The following GALNT17 variants were observed in gnomAD, a reference collection of about 807,000 sequenced individuals.
The protein encoded by GALNT17 is UDP-GalNAc:polypeptide N-acetylgalactosaminyltransferase-like 3.
GALNT17 carries 29 observed loss-of-function variants against 63.7 expected under a neutral mutation model. The ratio of observed to expected loss-of-function variants is 0.46; its 90% CI spans 0.34 to 0.62. GALNT17 has a LOEUF of 0.62. Ranked by LOEUF, GALNT17 falls within the 20% of genes least tolerant of loss-of-function variation. GALNT17 has a pLI of 0.01. For synonymous variants in GALNT17, 305 were observed against 318.3 expected (o/e 0.96, Z 0.45); for missense variants, 603 against 799.6 (o/e 0.75, Z 2.97).
At chr7:71,460,491 C>G (rs1787434621) in intron 5 of GALNT17, among the ~76,000 whole-genome samples, 1 of 152,142 alleles carries the variant, frequency 6.6e-6, no homozygotes, top group Admixed American at 6.5e-5. Context: ...AGATCTCACA[C>G]CATATAATGG....
intron 5 of GALNT17, among the ~76,000 whole-genome samples, chr7:71,506,853 G>T (rs1037653968): frequency 2.0e-5 from 3 of 152,168 alleles, no homozygotes; most frequent in Non-Finnish European, 4.4e-5. Flanking sequence ...TAGGTTGGTG[G>T]CAAAGTAATT....
chr7:71,284,715 T>G (rs1489520239), intron 1 of GALNT17: 1 of 152,164 alleles, frequency 6.6e-6, no homozygotes, highest in Non-Finnish European at 1.5e-5. Context: ...AACAGACCAA[T>G]ACACCAAAGT....
Position 71,539,707 on chromosome 7 carries a change from C to CTTTTTTT in GALNT17, c.963-31559_963-31553dup, listed in dbSNP as rs71089953. 1.1e-3 allele frequency among the ~76,000 whole-genome samples: 80 copies of CTTTTTTT among 71,438 alleles called. 2 individuals are homozygous for CTTTTTTT. Among genetic ancestry groups the CTTTTTTT allele is most frequent in the African/African-American group, 1.4e-3 (24 of 17,388 alleles). The allele number at this position is 71,438 out of a possible 152,430, so 46.9% of individuals were successfully genotyped here. A position where few individuals can be genotyped will look rare whatever the true frequency, so the allele number is the denominator to read the frequency against. On this transcript the variant is annotated intron_variant, in intron 5 of 10. Coordinates refer to ENST00000333538, the MANE Select transcript of GALNT17 (RefSeq NM_022479.3). Reference sequence around the variant, plus strand: ...ATCTATTTCAGGAGTTTAGTCCCACCTTTTTTTTTTTTTTTTTTTTTTTTT... The same window carrying CTTTTTTT: ...ATCTATTTCAGGAGTTTAGTCCCACCTTTTTTTTTTTTTTTTTTTTTTTTTTTTTTTT...
At chr7:71,291,008 G>A (rs1372632780) in intron 1 of GALNT17, among the ~76,000 whole-genome samples, 1 of 152,186 alleles carries the variant, frequency 6.6e-6, no homozygotes, top group East Asian at 1.9e-4. Context: ...CTTCTTCATA[G>A]GACTTATGTC....
At chr7:71,176,857 GC>G (rs1417015771) in intron 1 of GALNT17, among the ~76,000 whole-genome samples, 3 of 152,158 alleles carry the variant, frequency 2.0e-5, no homozygotes, top group African/African-American at 7.2e-5. Flanking sequence ...CATCTAGCAG[GC>G]ATTTATTTGA....
chr7:71,312,858 C>T (rs1008606565), intron 1 of GALNT17, among the ~76,000 whole-genome samples: 3 of 152,152 alleles, frequency 2.0e-5, no homozygotes, highest in Non-Finnish European at 4.4e-5. Flanking sequence ...AGACTCAGGG[C>T]TAGCATTTTG....
intron 5 of GALNT17, among the ~76,000 whole-genome samples, chr7:71,450,277 G>A (rs1161352932): frequency 3.3e-5 from 5 of 151,908 alleles, no homozygotes; most frequent in Admixed American, 3.3e-4. Context: ...TGGCATTACA[G>A]GCATGTGCCA....
chr7:71,541,198 C>G (rs1021628789), intron 5 of GALNT17, among the ~76,000 whole-genome samples: 7 of 150,842 alleles, frequency 4.6e-5, no homozygotes, highest in Non-Finnish European at 7.4e-5. Flanking sequence ...GAGCAGAGAT[C>G]GTGCCACTGC....
chr7:71,634,976 A>G (rs1790508438), intron 6 of GALNT17, among the ~76,000 whole-genome samples: 1 of 152,000 alleles, frequency 6.6e-6, no homozygotes, highest in Admixed American at 6.6e-5. Flanking sequence ...TGGGAGGCTG[A>G]GGCGGGTGGA....
intron 1 of GALNT17, among the ~76,000 whole-genome samples, chr7:71,258,229 A>T (rs1790322676): frequency 2.0e-5 from 3 of 152,198 alleles, no homozygotes; most frequent in Admixed American, 2.0e-4. Context: ...CTCCCATATT[A>T]TCTGTGTCAA....
Position 71,415,879 on chromosome 7 carries a change from TCA to T in GALNT17, c.590-9_590-8del, listed in dbSNP as rs1483556099. 6.4e-7 allele frequency: 1 copy of T among 1,569,648 alleles called. No individual in the cohort carries two copies. ...GTTTATAGACCTTCTTGCATTTTTGTCATTTGCAGAGGAGCTGAAGGTCCCCC... is the reference window on the plus strand; with the variant it reads ...GTTTATAGACCTTCTTGCATTTTTGTTTTGCAGAGGAGCTGAAGGTCCCCC... On this transcript the variant is annotated splice_polypyrimidine_tract_variant and splice_region_variant and intron_variant, in intron 3 of 10. Transcript: ENST00000333538.
chr7:71,156,586 C>CTTCA (rs1788239077), intron 1 of GALNT17, among the ~76,000 whole-genome samples: 1 of 140,112 alleles, frequency 7.1e-6, no homozygotes, highest in African/African-American at 2.7e-5. Flanking sequence ...GATGTCCTTC[C>CTTCA]TTCCTTCCTT....
rs75678752 is a variant in GALNT17 at position 71,462,836 on chromosome 7, G to A, written c.962+41731G>A. Among the ~76,000 whole-genome samples the A allele has an allele frequency of 3.9e-5, 6 of 152,326 alleles. No individual in the cohort carries two copies. The East Asian group carries it at 9.7e-4, about 25-fold the overall frequency. On this transcript the variant is annotated intron_variant, in intron 5 of 10. Coordinates refer to ENST00000333538, the MANE Select transcript of GALNT17 (RefSeq NM_022479.3). ...AGAATGGGAGGCAGGTTTGCCGCAA[G>A]CAGTTTCCACCTTGAGTTTTCCCTT...
At chr7:71,513,704 T>A (rs2116732237) in intron 5 of GALNT17, among the ~76,000 whole-genome samples, 1 of 152,210 alleles carries the variant, frequency 6.6e-6, no homozygotes, top group Non-Finnish European at 1.5e-5. Context: ...ATTTTTTTTT[T>A]TAATCCTTTA....
intron 6 of GALNT17, among the ~76,000 whole-genome samples, chr7:71,577,429 A>ACACG (rs898703108): frequency 2.6e-5 from 4 of 152,196 alleles, no homozygotes; most frequent in Non-Finnish European, 5.9e-5. Context: ...ACACACAAAC[A>ACACG]CACGCACACA....
intron 6 of GALNT17, among the ~76,000 whole-genome samples, chr7:71,651,429 G>C (rs769031264): frequency 6.6e-6 from 1 of 151,740 alleles, no homozygotes; most frequent in Non-Finnish European, 1.5e-5. Flanking sequence ...CAGACTCCTG[G>C]GTAGCTGGGA....
chr7:71,377,690 A>G (rs1792769539), intron 2 of GALNT17, among the ~76,000 whole-genome samples: 1 of 152,192 alleles, frequency 6.6e-6, no homozygotes, highest in African/African-American at 2.4e-5. Flanking sequence ...CCCATGTGTC[A>G]AGGGAGGGAC....
chr7:71,305,107 C>G (rs944600667), intron 1 of GALNT17, among the ~76,000 whole-genome samples: 1 of 152,158 alleles, frequency 6.6e-6, no homozygotes, highest in African/African-American at 2.4e-5. Context: ...GTAGATGTAG[C>G]TATAGATACA....
intron 6 of GALNT17, among the ~76,000 whole-genome samples, chr7:71,652,211 T>G (rs920836678): frequency 4.6e-5 from 7 of 152,004 alleles, no homozygotes. Context: ...AGTCAATGAC[T>G]TGCATTGACT....
Sources: gnomAD v4.1 joint callset for allele counts (sites outside exome capture counted in the v4.1 genomes callset) on GRCh38, gnomAD v4.1.1 for gene constraint, MANE v1.5 for transcripts, NCBI Gene and HGNC (gene_info 2026-07-23, HGNC 2026-07-21) for gene names.